The following KCNMA1 variants were observed in gnomAD, a reference collection of about 807,000 sequenced individuals.
The protein encoded by KCNMA1 is potassium calcium-activated channel subfamily M alpha 1, also known as Calcium-activated potassium channel subunit alpha-1.
A neutral mutation model predicts 140.0 loss-of-function variants in KCNMA1; 29 were observed. The observed-to-expected ratio is 0.21, with a 90% CI of 0.15 to 0.28. The LOEUF is 0.28. Ranked by LOEUF, KCNMA1 falls within the 10% of genes least tolerant of loss-of-function variation. KCNMA1 has a pLI of 1.00. For missense variants in KCNMA1, 880 were observed against 1,602.2 expected, an observed-to-expected ratio of 0.55 and a Z score of 7.70; for synonymous variants, 612 against 611.9, an observed-to-expected ratio of 1.00 and a Z score of 0.00.
intron 2 of KCNMA1, among the ~76,000 whole-genome samples, chr10:77,307,189 G>C (rs1182810060): frequency 1.3e-5 from 2 of 152,148 alleles, no homozygotes; most frequent in African/African-American, 4.8e-5. Flanking sequence ...AAGGCTACAA[G>C]GGTTTTGGTT....
At chr10:77,432,852 G>A (rs2097181053) in intron 1 of KCNMA1, among the ~76,000 whole-genome samples, 1 of 152,196 alleles carries the variant, frequency 6.6e-6, no homozygotes, top group African/African-American at 2.4e-5. Flanking sequence ...GACTTACAGA[G>A]GGGGAAGGGG....
intron 1 of KCNMA1, among the ~76,000 whole-genome samples, chr10:77,492,970 T>G (rs749746087): frequency 6.6e-6 from 1 of 152,254 alleles, no homozygotes; most frequent in Non-Finnish European, 1.5e-5. Flanking sequence ...AGTGAAATCA[T>G]TCTCCTGTGG....
chr10:77,547,806 G>A (rs2061793339), intron 1 of KCNMA1, among the ~76,000 whole-genome samples: 1 of 152,172 alleles, frequency 6.6e-6, no homozygotes, highest in African/African-American at 2.4e-5. Flanking sequence ...ATTTACAACA[G>A]GAGTCAGCAA....
At chr10:76,934,224 G>A (rs1353971454) in intron 23 of KCNMA1, among the ~76,000 whole-genome samples, 2 of 152,292 alleles carry the variant, frequency 1.3e-5, no homozygotes, top group African/African-American at 2.4e-5. Context: ...CACCTGCTTC[G>A]GCCCCCCAGT....
At chr10:77,623,541 C>CA (rs1056135320) in intron 1 of KCNMA1, among the ~76,000 whole-genome samples, 144 of 138,482 alleles carry the variant, frequency 1.0e-3, no homozygotes, top group South Asian at 2.3e-3. Context: ...ACTAAAAATA[C>CA]AAAAAAAAAA....
intron 1 of KCNMA1, among the ~76,000 whole-genome samples, chr10:77,496,339 G>A (rs1406735832): frequency 6.6e-6 from 1 of 152,140 alleles, no homozygotes; most frequent in African/African-American, 2.4e-5. Flanking sequence ...GCTCACGCCT[G>A]TAATCCCAGC....
At chr10:77,281,827 T>C (rs2068708119) in intron 2 of KCNMA1, among the ~76,000 whole-genome samples, 2 of 152,194 alleles carry the variant, frequency 1.3e-5, no homozygotes, top group Non-Finnish European at 1.5e-5. Flanking sequence ...TATTAAATGC[T>C]CAGAATAGAA....
intron 6 of KCNMA1, among the ~76,000 whole-genome samples, chr10:77,120,125 C>A (rs1265549413): frequency 6.6e-6 from 1 of 152,160 alleles, no homozygotes; most frequent in Non-Finnish European, 1.5e-5. Context: ...GAAGGGCAAC[C>A]AAAGAGGAAA....
chr10:76,987,714 G>C (rs949785848), intron 19 of KCNMA1, among the ~76,000 whole-genome samples: 9 of 152,218 alleles, frequency 5.9e-5, no homozygotes, highest in Non-Finnish European at 5.9e-5. Flanking sequence ...AATGTGTAAA[G>C]TAATGAGAAT....
intron 1 of KCNMA1, among the ~76,000 whole-genome samples, chr10:77,597,384 CAT>C (rs2081250769): frequency 6.6e-6 from 1 of 152,124 alleles, no homozygotes; most frequent in African/African-American, 2.4e-5. Context: ...GTCCCCAACA[CAT>C]AGAAATGATA....
At position 77,595,037 on chromosome 10, in the gene KCNMA1, CAAGT is replaced by C. The variant is rs200652737; in HGVS notation, c.378+42224_378+42227del. Among the ~76,000 whole-genome samples, 350 of 152,252 alleles carry C rather than the reference CAAGT, an allele frequency of 2.3e-3. 6 individuals are homozygous for C. The South Asian group carries it at 0.025, about 11-fold the overall frequency. ...AAATCTCACAATGAGGTTGTAAATTCAAGTGAGTGGAAAAAAAGGTTTTAGTGGT... is the reference window on the plus strand; with the variant it reads ...AAATCTCACAATGAGGTTGTAAATTCGAGTGGAAAAAAAGGTTTTAGTGGT... On this transcript the variant is annotated intron_variant, in intron 1 of 27. Transcript: ENST00000286628.
chr10:77,181,532 G>A (rs11002069), intron 5 of KCNMA1, among the ~76,000 whole-genome samples: 9,973 of 152,152 alleles, frequency 0.066, 372 homozygotes, highest in South Asian at 0.13. Flanking sequence ...AAGATTCTTC[G>A]AAGTCATCTA....
intron 1 of KCNMA1, among the ~76,000 whole-genome samples, chr10:77,574,260 GTATATATA>G (rs139904997): frequency 2.0e-5 from 3 of 148,492 alleles, no homozygotes; most frequent in Non-Finnish European, 4.5e-5. Flanking sequence ...CTATGCGTGT[GTATATATA>G]TATATATATA....
intron 5 of KCNMA1, among the ~76,000 whole-genome samples, chr10:77,149,320 TG>T (rs1476612213): frequency 1.1e-4 from 16 of 152,332 alleles, no homozygotes; most frequent in African/African-American, 3.8e-4. Context: ...AATAAAGCGA[TG>T]TCATGGGCAT....
In KCNMA1 at chr10:77,108,597, A is replaced by T; in HGVS notation, c.1132-25T>A. 12 of 1,570,468 alleles carry T rather than the reference A, an allele frequency of 7.6e-6. No individual in the cohort carries two copies. Among genetic ancestry groups the T allele is most frequent in the Non-Finnish European group, 1.1e-5 (12 of 1,141,934 alleles). On this transcript the variant is annotated intron_variant, in intron 8 of 27. Transcript: ENST00000286628. The surrounding 1 kb of genome is among the most constrained non-coding windows in gnomAD (Gnocchi z 4.6). ...CCTGAGAAGATAGGAGACAGAAGAG[A>T]GACTAAAAAGACAGGCCAAAGAAAA... is the stretch of plus-strand genomic sequence containing the variant.
At chr10:76,882,754 C>T (rs903276069), downstream of KCNMA1, among the ~76,000 whole-genome samples, 3 of 152,192 alleles carry the variant, frequency 2.0e-5, no homozygotes, top group Admixed American at 6.5e-5. Context: ...TAATCCCTTT[C>T]GGATAATCCC....
At chr10:77,636,842 C>A in intron 1 of KCNMA1, 1 of 1,430,820 alleles carries the variant, frequency 7.0e-7, no homozygotes, top group South Asian at 1.5e-5. Context: ...TGCTCCCTCT[C>A]GCCCACCGCC....
At chr10:77,030,406 C>T (rs923756138) in intron 15 of KCNMA1, among the ~76,000 whole-genome samples, 1 of 152,118 alleles carries the variant, frequency 6.6e-6, no homozygotes, top group Non-Finnish European at 1.5e-5. Context: ...TTTATTGAAC[C>T]AAATTACCAA....
At chr10:77,354,089 C>G (rs377230601) in intron 2 of KCNMA1, among the ~76,000 whole-genome samples, 1 of 151,974 alleles carries the variant, frequency 6.6e-6, no homozygotes, top group African/African-American at 2.4e-5. Context: ...TGGGTTCAAG[C>G]GATTCTCCTG....
Sources: gnomAD v4.1 joint callset for allele counts (sites outside exome capture counted in the v4.1 genomes callset) on GRCh38, gnomAD v4.1.1 for gene constraint, Gnocchi (gnomAD v3.1) non-coding constraint, MANE v1.5 for transcripts, NCBI Gene and HGNC (gene_info 2026-07-23, HGNC 2026-07-21) for gene names.